Variants in DCLK2 observed in about 807,000 individuals in gnomAD.
DCLK2 encodes doublecortin like kinase 2.
Under a neutral mutation model 78.4 loss-of-function variants are expected in DCLK2, and 31 were observed. The ratio of observed to expected loss-of-function variants is 0.40; its 90% CI spans 0.30 to 0.53. DCLK2 has a LOEUF of 0.53. Among genes scored for constraint, DCLK2 ranks in the 20% least tolerant of loss-of-function variants. The pLI, the probability that DCLK2 is intolerant of heterozygous loss-of-function variation, is 0.61. For synonymous variants in DCLK2, 407 were observed against 374.9 expected (o/e 1.09, Z -0.99); for missense variants, 872 against 973.7 (o/e 0.90, Z 1.39).
intron 5 of DCLK2, among the ~76,000 whole-genome samples, chr4:150,207,320 A>G (rs1037348568): frequency 6.6e-6 from 1 of 152,210 alleles, no homozygotes; most frequent in Non-Finnish European, 1.5e-5. Context: ...GGAACTAAAT[A>G]AGGTTAAGGG....
chr4:150,232,197 G>C, intron 8 of DCLK2, 140 bp from the exon 9 acceptor site: 1 of 1,050,620 alleles, frequency 9.5e-7, no homozygotes, highest in Non-Finnish European at 1.4e-6. Flanking sequence ...ATTAGGTCAG[G>C]TTTAGTTGTC....
chr4:150,222,386 T>A (rs1741250612), intron 7 of DCLK2, among the ~76,000 whole-genome samples: 1 of 152,192 alleles, frequency 6.6e-6, no homozygotes, highest in East Asian at 1.9e-4. Context: ...ATGAGAAGAA[T>A]AAGTCATTTT....
Position 150,175,104 on chromosome 4 carries a change from T to TTG in DCLK2, c.757-18033_757-18032insGT, listed in dbSNP as rs1560835144. Among the ~76,000 whole-genome samples the TTG allele has an allele frequency of 4.9e-3, 483 of 98,042 alleles. 68 individuals are homozygous for TTG. Among genetic ancestry groups the TTG allele is most frequent in the African/African-American group, 0.023 (453 of 19,576 alleles). The allele number at this position is 98,042 out of a possible 152,430, so 64.3% of individuals were successfully genotyped here. ...TATTTATATATATATTTATATATATTTATATATTTATATTTTTTATATATA... is the reference window on the plus strand; with the variant it reads ...TATTTATATATATATTTATATATATTTGTATATATTTATATTTTTTATATATA... On this transcript the variant is annotated intron_variant, in intron 2 of 15. Transcript: ENST00000296550.
chr4:150,193,428 AAAG>A (rs1738621780), intron 3 of DCLK2, among the ~76,000 whole-genome samples, 188 bp downstream of exon 3: 1 of 152,100 alleles, frequency 6.6e-6, no homozygotes, highest in African/African-American at 2.4e-5. Context: ...ACTTATAAAA[AAAG>A]AAAGAAAGAA....
intron 2 of DCLK2, among the ~76,000 whole-genome samples, chr4:150,165,563 A>G (rs1423637942): frequency 6.6e-6 from 1 of 152,270 alleles, no homozygotes; most frequent in Non-Finnish European, 1.5e-5. Context: ...TATGGTTGGA[A>G]TAGTGAATAT....
intron 1 of DCLK2, among the ~76,000 whole-genome samples, chr4:150,087,644 C>A (rs2150134688): frequency 6.6e-6 from 1 of 152,286 alleles, no homozygotes; most frequent in African/African-American, 2.4e-5. Flanking sequence ...GACAAAAGGG[C>A]ATGATTTAAT....
intron 2 of DCLK2, among the ~76,000 whole-genome samples, chr4:150,132,610 G>A (rs1192619706): frequency 2.6e-5 from 4 of 152,074 alleles, no homozygotes; most frequent in Non-Finnish European, 5.9e-5. Flanking sequence ...TTAAAGACGG[G>A]GTTTTGCTCT....
rs563304100 is a variant in DCLK2, at chr4:150,108,337, G to T, written c.756+5525G>T. Among the ~76,000 whole-genome samples the T allele has an allele frequency of 2.9e-3, 447 of 151,610 alleles. 4 individuals are homozygous for T. Among genetic ancestry groups the T allele is most frequent in the African/African-American group, 0.01 (427 of 41,376 alleles). ...TCCTGGCTCAATCTCCTGACCTTTA[G>T]TTTTCACTGAAACAGGGTTTTAGTG... On this transcript the variant is annotated intron_variant, in intron 2 of 15. Transcript: ENST00000296550.
intron 2 of DCLK2, among the ~76,000 whole-genome samples, chr4:150,123,347 A>G (rs1732699182): frequency 6.6e-6 from 1 of 152,114 alleles, no homozygotes; most frequent in Non-Finnish European, 1.5e-5. Flanking sequence ...CATCTCAGGA[A>G]ATAGGGAGGC....
rs1158757470 is a variant in DCLK2, at chr4:150,198,122, A to G, written c.961+19A>G. On this transcript the variant is annotated intron_variant, in intron 4 of 15. Coordinates refer to ENST00000296550, the MANE Select transcript of DCLK2 (RefSeq NM_001040260.4). ...GCTTCAGGTAGTTAATGGAAAAGGA[A>G]TAGATGGTCATAGCAGGAACAGATC... The G allele has an allele frequency of 6.3e-6, 10 of 1,587,216 alleles. No individual in the cohort carries two copies. The highest frequency in any genetic ancestry group is 8.6e-6 in the Non-Finnish European group (10 of 1,156,792).
chr4:150,131,585 C>G (rs1733317830), intron 2 of DCLK2, among the ~76,000 whole-genome samples: 1 of 152,052 alleles, frequency 6.6e-6, no homozygotes, highest in Non-Finnish European at 1.5e-5. Flanking sequence ...TAATTGGGGT[C>G]CCCTCTTAAT....
intron 1 of DCLK2, among the ~76,000 whole-genome samples, chr4:150,087,811 C>T (rs536389711): frequency 1.2e-4 from 18 of 152,218 alleles, no homozygotes; most frequent in African/African-American, 4.1e-4. Flanking sequence ...CAAATCATTT[C>T]TTTATAGCCA....
chr4:150,163,732 A>G (rs1265308702), intron 2 of DCLK2, among the ~76,000 whole-genome samples: 1 of 152,240 alleles, frequency 6.6e-6, no homozygotes, highest in Non-Finnish European at 1.5e-5. Context: ...GCTCAAGATT[A>G]TATGTTTTAG....
chr4:150,199,475 G>A (rs1280809665), intron 4 of DCLK2, among the ~76,000 whole-genome samples: 1 of 152,192 alleles, frequency 6.6e-6, no homozygotes, highest in Non-Finnish European at 1.5e-5. Context: ...GGGGTTAACA[G>A]TTTAGTAATC....
chr4:150,253,366 C>G (rs1443128491), intron 15 of DCLK2: 5 of 1,193,178 alleles, frequency 4.2e-6, no homozygotes, highest in Non-Finnish European at 5.6e-6. Flanking sequence ...GTTCTCATCC[C>G]CAGAGCTGGG....
chr4:150,214,465 A>T (rs1240606500), intron 5 of DCLK2, among the ~76,000 whole-genome samples: 1 of 152,170 alleles, frequency 6.6e-6, no homozygotes, highest in Non-Finnish European at 1.5e-5. Context: ...CTTTCCTAAG[A>T]AAGTTCTTGC....
intron 2 of DCLK2, among the ~76,000 whole-genome samples, chr4:150,176,906 C>T (rs1280085877): frequency 3.3e-5 from 5 of 152,122 alleles, no homozygotes; most frequent in Non-Finnish European, 5.9e-5. Context: ...CTTGCTGGTC[C>T]CAGTCCCAGT....
At chr4:150,185,556 G>A (rs1231963798) in intron 2 of DCLK2, among the ~76,000 whole-genome samples, 1 of 151,840 alleles carries the variant, frequency 6.6e-6, no homozygotes, top group Admixed American at 6.6e-5. Context: ...TCTACTAAAA[G>A]TACAAGAATT....
chr4:150,178,088 A>G (rs1737215819), intron 2 of DCLK2, among the ~76,000 whole-genome samples: 1 of 152,230 alleles, frequency 6.6e-6, no homozygotes, highest in African/African-American at 2.4e-5. Context: ...CCTTAAAATG[A>G]AAACAAAAAG....
Sources: gnomAD v4.1 joint callset for allele counts (sites outside exome capture counted in the v4.1 genomes callset) on GRCh38, gnomAD v4.1.1 for gene constraint, MANE v1.5 for transcripts, NCBI Gene and HGNC (gene_info 2026-07-23, HGNC 2026-07-21) for gene names.